Variants in DEFB121 observed in about 807,000 individuals in gnomAD.
The protein encoded by DEFB121 is defensin beta 121.
In DEFB121, 5 loss-of-function variants were observed where a neutral mutation model predicts 2.5. The observed-to-expected ratio is 1.96, with a 90% CI of 1.03 to 4.13. The LOEUF is 4.13. Among genes scored for constraint, DEFB121 ranks in the 30% most tolerant of loss-of-function variants. The pLI, the probability that DEFB121 is intolerant of heterozygous loss-of-function variation, is 0.00. For synonymous variants in DEFB121, 39 were observed against 32.6 expected (o/e 1.20, Z -0.67); for missense variants, 87 against 85.0 (o/e 1.02, Z -0.09).
chr20:31,409,670 G>A (rs1399627155), upstream of DEFB121, among the ~76,000 whole-genome samples: 1 of 152,172 alleles, frequency 6.6e-6, no homozygotes, highest in Non-Finnish European at 1.5e-5. Context: ...GAACCCGGGA[G>A]GCGGAGGTTG....
upstream of DEFB121, among the ~76,000 whole-genome samples, chr20:31,414,761 A>T (rs748521583): frequency 6.6e-6 from 1 of 152,172 alleles, no homozygotes; most frequent in Non-Finnish European, 1.5e-5. Context: ...AGATGAATAA[A>T]TTATAGAGGC....
intron 1 of DEFB121, among the ~76,000 whole-genome samples, chr20:31,412,154 A>C (rs1282666085): frequency 6.6e-6 from 1 of 152,212 alleles, no homozygotes; most frequent in Non-Finnish European, 1.5e-5. Flanking sequence ...TGGGGATAGG[A>C]AGCATTGGAG....
chr20:31,412,535 A>C lies in DEFB121; in HGVS notation n.217+87T>G. 3 of 972,008 alleles carry C rather than the reference A, an allele frequency of 3.1e-6. No homozygotes were observed. The Middle Eastern group carries it at 7.4e-4, about 238-fold the overall frequency. 60.2% of individuals were successfully genotyped at this position (972,008 alleles called of 1,614,324 possible). ...TTTGCTGTGAAGATTAAATTAGGTG[A>C]TGCTTGTAAAGCTCAGGGAATAGTG... On this transcript the variant is annotated intron_variant and non_coding_transcript_variant, in intron 1 of 1. Transcript: ENST00000376312.
At chr20:31,413,380 G>A (rs1978714386), upstream of DEFB121, among the ~76,000 whole-genome samples, 1 of 152,156 alleles carries the variant, frequency 6.6e-6, no homozygotes, top group Non-Finnish European at 1.5e-5. Flanking sequence ...TGAGCACCAG[G>A]AATTCAGAGC....
At chr20:31,411,434 T>G (rs1012111083) in intron 1 of DEFB121, among the ~76,000 whole-genome samples, 2 of 152,232 alleles carry the variant, frequency 1.3e-5, no homozygotes, top group African/African-American at 4.8e-5. Context: ...TGGAACAACC[T>G]CCCTTACTGA....
At chr20:31,407,002 A>C (rs2376548), upstream of DEFB121, among the ~76,000 whole-genome samples, 128,267 of 152,032 alleles carry the variant, frequency 0.84, 54,194 homozygotes, top group African/African-American at 0.89. Context: ...TGCCCCAGCA[A>C]CTTGGGAGGC....
At chr20:31,412,784 C>T in exon 1 of DEFB121, 2 of 808,122 alleles carry the variant, frequency 2.5e-6, no homozygotes, top group Non-Finnish European at 3.5e-6. Flanking sequence ...TTGAAAATTG[C>T]ATCTCAAATC....
chr20:31,415,493 G>A (rs770473397), upstream of DEFB121, among the ~76,000 whole-genome samples: 5 of 152,062 alleles, frequency 3.3e-5, no homozygotes, highest in Admixed American at 6.6e-5. Context: ...CAGGTGATCC[G>A]CTAGCCTCGG....
chr20:31,406,792 TC>T (rs1205582305), upstream of DEFB121, among the ~76,000 whole-genome samples: 1 of 152,174 alleles, frequency 6.6e-6, no homozygotes, highest in Non-Finnish European at 1.5e-5. Context: ...ATTGTTGTGG[TC>T]TTTTTTTTAT....
the DEFB121 span, among the ~76,000 whole-genome samples, chr20:31,418,461 C>T: frequency 6.6e-6 from 1 of 152,056 alleles, no homozygotes; most frequent in Non-Finnish European, 1.5e-5. Context: ...AGATAGAAAA[C>T]TGGCTGAAAC....
chr20:31,417,986 C>T, the DEFB121 span, among the ~76,000 whole-genome samples: 2 of 150,752 alleles, frequency 1.3e-5, no homozygotes, highest in African/African-American at 4.9e-5. Flanking sequence ...AAAGGCCGGG[C>T]GCGGTGGCTC....
chr20:31,411,351 T>C (rs1376436694), intron 1 of DEFB121, among the ~76,000 whole-genome samples: 1 of 152,176 alleles, frequency 6.6e-6, no homozygotes, highest in African/African-American at 2.4e-5. Flanking sequence ...TCCAAGGAAA[T>C]AATCTGATTG....
upstream of DEFB121, among the ~76,000 whole-genome samples, chr20:31,407,802 G>C (rs1978531604): frequency 6.6e-6 from 1 of 152,148 alleles, no homozygotes; most frequent in Non-Finnish European, 1.5e-5. Context: ...CTTTAAGACA[G>C]AGTCTTGCTC....
upstream of DEFB121, among the ~76,000 whole-genome samples, chr20:31,416,324 G>C (rs568155439): frequency 7.2e-5 from 11 of 152,210 alleles, no homozygotes; most frequent in South Asian, 2.1e-4. Flanking sequence ...GCCTCCCAAA[G>C]TGCTGAGATT....
At chr20:31,408,288 C>T, upstream of DEFB121, among the ~76,000 whole-genome samples, 1 of 152,048 alleles carries the variant, frequency 6.6e-6, no homozygotes, top group South Asian at 2.1e-4. Context: ...TACACACACA[C>T]AAAAAAAGTT....
chr20:31,408,286 C>A (rs780904407), upstream of DEFB121, among the ~76,000 whole-genome samples: 3 of 152,042 alleles, frequency 2.0e-5, no homozygotes, highest in Non-Finnish European at 2.9e-5. Flanking sequence ...TCTACACACA[C>A]ACAAAAAAAG....
At chr20:31,417,189 A>G (rs1447362144), upstream of DEFB121, among the ~76,000 whole-genome samples, 1 of 152,072 alleles carries the variant, frequency 6.6e-6, no homozygotes, top group African/African-American at 2.4e-5. Flanking sequence ...TACTAACAAT[A>G]CAAAAATTAG....
At chr20:31,409,926 A>C (rs1978610374), upstream of DEFB121, among the ~76,000 whole-genome samples, 1 of 152,122 alleles carries the variant, frequency 6.6e-6, no homozygotes, top group Admixed American at 6.6e-5. Flanking sequence ...GATGGGAGGA[A>C]GTGGGCATTG....
upstream of DEFB121, among the ~76,000 whole-genome samples, chr20:31,409,816 C>T (rs1978607293): frequency 6.6e-6 from 1 of 151,928 alleles, no homozygotes; most frequent in African/African-American, 2.4e-5. Flanking sequence ...AAAATCCAGA[C>T]CAAAGAAGAA....
Sources: allele counts gnomAD v4.1 joint callset (sites outside exome capture counted in the v4.1 genomes callset), GRCh38; gene constraint gnomAD v4.1.1; transcripts MANE v1.5; gene names NCBI Gene and HGNC (gene_info 2026-07-23, HGNC 2026-07-21).